NFKBIZ: variants seen among roughly 807,000 people sequenced by gnomAD.
NFKBIZ encodes the protein NFKB inhibitor zeta.
In NFKBIZ, 19 loss-of-function variants were observed where a neutral mutation model predicts 76.8. That is an observed-to-expected ratio of 0.25 (90% CI 0.17 to 0.36). NFKBIZ has a LOEUF of 0.36. NFKBIZ is among the 10% of genes least tolerant of loss of function. NFKBIZ has a pLI of 1.00. For missense variants in NFKBIZ, 829 were observed against 910.9 expected (o/e 0.91, Z 1.16); for synonymous variants, 368 against 354.8 (o/e 1.04, Z -0.42).
At chr3:101,834,312 CCTT>C (rs1225442852) in intron 2 of NFKBIZ, among the ~76,000 whole-genome samples, 7 of 151,802 alleles carry the variant, frequency 4.6e-5, no homozygotes, top group Non-Finnish European at 1.0e-4. Context: ...TCCCTTACCT[CCTT>C]CTCTCTCTCT....
At chr3:101,840,930 G>A (rs961916406) in intron 2 of NFKBIZ, among the ~76,000 whole-genome samples, 3 of 152,212 alleles carry the variant, frequency 2.0e-5, no homozygotes, top group Non-Finnish European at 4.4e-5. Context: ...GGAAGTTGCA[G>A]AGAGATGACT....
chr3:101,840,207 C>T (rs1016723325), intron 2 of NFKBIZ, among the ~76,000 whole-genome samples: 1 of 152,092 alleles, frequency 6.6e-6, no homozygotes, highest in African/African-American at 2.4e-5. Context: ...TCAGAGAAAG[C>T]AGAAGAAGCC....
chr3:101,845,844 TA>T (rs1942843230), upstream of NFKBIZ, among the ~76,000 whole-genome samples: 1 of 152,256 alleles, frequency 6.6e-6, no homozygotes, highest in African/African-American at 2.4e-5. Context: ...CTCTCTGATG[TA>T]TCATTTCATC....
intron 9 of NFKBIZ, 111 bp downstream of exon 9, chr3:101,856,013 A>C: frequency 9.4e-7 from 1 of 1,062,726 alleles, no homozygotes; most frequent in East Asian, 2.6e-5. Flanking sequence ...TCTGAAATTA[A>C]TGGTGTGAGT....
intron 1 of NFKBIZ, among the ~76,000 whole-genome samples, chr3:101,829,462 T>G (rs758795332): frequency 1.3e-5 from 2 of 152,162 alleles, no homozygotes; most frequent in Non-Finnish European, 2.9e-5. Context: ...AAACAAACCC[T>G]TTCAGAAGCT....
intron 9 of NFKBIZ, 61 bp from the exon 10 acceptor site, chr3:101,857,012 A>G: frequency 1.7e-6 from 2 of 1,211,086 alleles, no homozygotes; most frequent in Non-Finnish European, 2.4e-6. Flanking sequence ...TGAAAAGTGT[A>G]TTCTGAGGCA....
chr3:101,857,050 TC>T, intron 9 of NFKBIZ, 22 bp from the exon 10 acceptor site: 7 of 1,497,872 alleles, frequency 4.7e-6, no homozygotes, highest in African/African-American at 1.4e-5. Context: ...TTTTTTTTTT[TC>T]CTCCCTCTTG....
chr3:101,857,733 T>C lies in NFKBIZ; in HGVS notation c.2103+274T>C, dbSNP rs146941523. ...TTAGGGTTAGAGTAAGTCAGAATGG[T>C]TTAAGGTTCGGAAAGAGAAGATACC... is the stretch of plus-strand genomic sequence containing the variant. On this transcript the variant is annotated intron_variant, in intron 11 of 11. Transcript: ENST00000326172. 4.9e-4 allele frequency: 483 copies of C among 985,378 alleles called. 3 individuals are homozygous for C. In the African/African-American group the frequency reaches 7.8e-3, roughly 16 times the overall value. The allele number at this position is 985,378 out of a possible 1,614,324, so 61.0% of individuals were successfully genotyped here.
At chr3:101,857,837 A>T in intron 11 of NFKBIZ, 1 of 975,200 alleles carries the variant, frequency 1.0e-6, no homozygotes, top group Non-Finnish European at 1.2e-6. Context: ...ATATTAAATG[A>T]GTTGTTACAT....
At position 101,852,209 on chromosome 3, in the gene NFKBIZ, T is replaced by G. The variant is rs1942974831; in HGVS notation, c.414T>G (p.Ala138=). The G allele has an allele frequency of 6.2e-7, 1 of 1,613,986 alleles. No individual in the cohort carries two copies. Among genetic ancestry groups the G allele is most frequent in the Admixed American group, 1.7e-5 (1 of 59,962 alleles). Residue 138 remains alanine (A), a synonymous_variant, in exon 2 of 12, where the codon GCT becomes GCG. Transcript: ENST00000326172. ...RSHKQKASGQ[A]VDDFKTQGVN... is the part of the protein sequence containing the mutation. The stretch of plus-strand genomic sequence containing the variant: ...ATAAACAGAAGGCTTCTGGCCAAGC[T>G]GTGGATGATTTTAAGGTGACATCTA...
intron 5 of NFKBIZ, 91 bp downstream of exon 5, chr3:101,853,954 T>C: frequency 7.9e-7 from 1 of 1,258,694 alleles, no homozygotes; most frequent in Non-Finnish European, 1.1e-6. Context: ...TAACAAGGTA[T>C]ACCTTAGTTA....
intron 2 of NFKBIZ, among the ~76,000 whole-genome samples, chr3:101,843,515 T>G (rs554396884): frequency 1.3e-5 from 2 of 152,196 alleles, no homozygotes; most frequent in Admixed American, 6.5e-5. Context: ...CATACACAAA[T>G]GTAGTTGGTA....
In NFKBIZ at chr3:101,857,405, C is replaced by T; in HGVS notation, c.2049C>T (p.Asn683=). Residue 683 remains asparagine (N), a synonymous_variant, in exon 11 of 12, where the codon AAC becomes AAT. Transcript: ENST00000326172. The stretch of plus-strand genomic sequence containing the variant: ...AGGGAGCAGACCCAAGTACTCGGAA[C>T]TTGGAGAACGAACAGCCAGTGCATT... ...MRKGADPSTR[N]LENEQPVHLV... is the part of the protein sequence containing the mutation. 2.5e-6 allele frequency: 4 copies of T among 1,614,242 alleles called. No individual in the cohort carries two copies. Among genetic ancestry groups the T allele is most frequent in the Middle Eastern group, 1.6e-4 (1 of 6,062 alleles).
chr3:101,854,414 G>A (rs776141878), intron 5 of NFKBIZ, among the ~76,000 whole-genome samples, 164 bp from the exon 6 acceptor site: 1 of 151,686 alleles, frequency 6.6e-6, no homozygotes, highest in Non-Finnish European at 1.5e-5. Flanking sequence ...CAACTGGGGT[G>A]TATTATCAAT....
At chr3:101,858,375 C>A in intron 11 of NFKBIZ, 1 of 983,150 alleles carries the variant, frequency 1.0e-6, no homozygotes, top group Non-Finnish European at 1.2e-6. Context: ...TTTCAAGTTT[C>A]AACTGAGAAA....
chr3:101,834,768 T>C (rs1033762351), intron 2 of NFKBIZ, among the ~76,000 whole-genome samples: 1 of 152,226 alleles, frequency 6.6e-6, no homozygotes, highest in Non-Finnish European at 1.5e-5. Context: ...AGTTCAGACC[T>C]CCATGACCTG....
intron 2 of NFKBIZ, among the ~76,000 whole-genome samples, chr3:101,830,772 T>C (rs1942637087): frequency 6.6e-6 from 1 of 152,204 alleles, no homozygotes; most frequent in African/African-American, 2.4e-5. Flanking sequence ...TGTAAGTAAG[T>C]GCTGCAGTGA....
At chr3:101,852,010 A>C (rs1380178828) in intron 1 of NFKBIZ, 75 bp from the exon 2 acceptor site, 1 of 1,547,940 alleles carries the variant, frequency 6.5e-7, no homozygotes, top group Non-Finnish European at 8.7e-7. Context: ...GGCAACAGCT[A>C]TACTTTTGGG....
intron 7 of NFKBIZ, 41 bp from the exon 8 acceptor site, chr3:101,855,354 A>C: frequency 6.2e-7 from 1 of 1,610,470 alleles, no homozygotes; most frequent in African/African-American, 1.3e-5. Flanking sequence ...GTATATGCGC[A>C]GCTTATGTAG....
Sources: allele counts gnomAD v4.1 joint callset (sites outside exome capture counted in the v4.1 genomes callset), GRCh38; gene constraint gnomAD v4.1.1; transcripts MANE v1.5; gene names NCBI Gene and HGNC (gene_info 2026-07-23, HGNC 2026-07-21).